Variants in CSNK1G3 observed in about 807,000 individuals in gnomAD.
CSNK1G3 encodes casein kinase 1 gamma 3.
CSNK1G3 carries 23 observed loss-of-function variants against 64.3 expected under a neutral mutation model. That is an observed-to-expected ratio of 0.36 (90% confidence interval 0.26 to 0.51). The LOEUF (loss-of-function observed/expected upper bound fraction) is 0.51. Among genes scored for constraint, CSNK1G3 ranks in the 20% least tolerant of loss-of-function variants. CSNK1G3 has a pLI of 0.96. For synonymous variants in CSNK1G3, 158 were observed against 162.2 expected, an observed-to-expected ratio of 0.97 and a Z score of 0.20; for missense variants, 357 against 510.5, an observed-to-expected ratio of 0.70 and a Z score of 2.90.
chr5:123,582,311 T>G (rs1191718678), intron 6 of CSNK1G3, among the ~76,000 whole-genome samples: 1 of 152,166 alleles, frequency 6.6e-6, no homozygotes, highest in Middle Eastern at 3.4e-3. Flanking sequence ...ATGAAAAAAA[T>G]GCAGACAAGT....
intron 1 of CSNK1G3, among the ~76,000 whole-genome samples, chr5:123,523,623 T>G (rs945664090): frequency 1.3e-5 from 2 of 152,218 alleles, no homozygotes; most frequent in Non-Finnish European, 2.9e-5. Context: ...GGACGTGTTA[T>G]GTGAACCAGT....
intron 1 of CSNK1G3, among the ~76,000 whole-genome samples, chr5:123,514,651 A>T (rs571967179): frequency 6.6e-6 from 1 of 152,004 alleles, no homozygotes; most frequent in East Asian, 1.9e-4. Context: ...GAATGGATGT[A>T]GAGCTGGTAA....
At chr5:123,592,676 C>T (rs1792609059) in intron 10 of CSNK1G3, among the ~76,000 whole-genome samples, 1 of 151,576 alleles carries the variant, frequency 6.6e-6, no homozygotes, top group African/African-American at 2.4e-5. Flanking sequence ...AGAAAGAACA[C>T]CACTTGTTAA....
intron 1 of CSNK1G3, among the ~76,000 whole-genome samples, chr5:123,536,981 G>C (rs956916206): frequency 6.6e-6 from 1 of 152,154 alleles, no homozygotes. Context: ...CCTATACACT[G>C]TTGGTGGGAA....
chr5:123,612,808 G>A (rs1159332973), intron 12 of CSNK1G3, among the ~76,000 whole-genome samples: 4 of 152,146 alleles, frequency 2.6e-5, no homozygotes, highest in Non-Finnish European at 5.9e-5. Context: ...AGATTAGTAA[G>A]AATTATAGAA....
intron 10 of CSNK1G3, among the ~76,000 whole-genome samples, chr5:123,592,113 G>C (rs1792482262): frequency 6.6e-6 from 1 of 152,204 alleles, no homozygotes; most frequent in East Asian, 1.9e-4. Flanking sequence ...GTAGCATGGA[G>C]ATCATATGTG....
intron 10 of CSNK1G3, among the ~76,000 whole-genome samples, chr5:123,601,157 A>C (rs557411837): frequency 6.6e-6 from 1 of 152,306 alleles, no homozygotes; most frequent in East Asian, 1.9e-4. Context: ...TAATAGAATT[A>C]TTCTTTAGAA....
rs1349497202 is a variant in CSNK1G3, at chr5:123,591,420, C to T, written c.1086+6C>T. On this transcript the variant is annotated splice_donor_region_variant and intron_variant, in intron 10 of 12. Coordinates refer to ENST00000345990, the Ensembl canonical transcript of CSNK1G3. ...TGCAACAATCCAAAAACCAGGTTTG[C>T]TGCCCTTTAGATATGAAATACCTTC... 3.1e-6 allele frequency: 5 copies of T among 1,596,876 alleles called. No individual in the cohort carries two copies. Among genetic ancestry groups the T allele is most frequent in the Non-Finnish European group, 4.3e-6 (5 of 1,169,272 alleles).
intron 1 of CSNK1G3, among the ~76,000 whole-genome samples, chr5:123,527,152 A>C (rs979794497): frequency 5.9e-5 from 9 of 152,188 alleles, no homozygotes; most frequent in Admixed American, 5.9e-4. Flanking sequence ...TTTCATTGCT[A>C]TAGCTCTGTC....
At chr5:123,523,445 G>A (rs1215925742) in intron 1 of CSNK1G3, among the ~76,000 whole-genome samples, 1 of 152,154 alleles carries the variant, frequency 6.6e-6, no homozygotes, top group Non-Finnish European at 1.5e-5. Context: ...GTGACAAAAT[G>A]AGAGCAAGCC....
At chr5:123,553,059 CT>C in intron 2 of CSNK1G3, 47 bp from the exon 3 acceptor site, 1 of 1,049,342 alleles carries the variant, frequency 9.5e-7, no homozygotes, top group Non-Finnish European at 1.4e-6. Context: ...TATAATGTAT[CT>C]TTAAAATCAA....
intron 12 of CSNK1G3, among the ~76,000 whole-genome samples, chr5:123,610,885 G>C (rs908743031): frequency 1.1e-4 from 16 of 152,126 alleles, no homozygotes; most frequent in African/African-American, 3.6e-4. Context: ...GAAGTGGGAG[G>C]ACCACTATTA....
exon 5 of CSNK1G3, chr5:123,573,446 G>A (rs1788510573): frequency 6.2e-7 from 1 of 1,613,862 alleles, no homozygotes; most frequent in Non-Finnish European, 8.5e-7. Flanking sequence ...CAATGCTATG[G>A]TGCTGGAACT....
At chr5:123,588,301 T>G in intron 7 of CSNK1G3, 126 bp from the exon 8 acceptor site, 1 of 1,037,818 alleles carries the variant, frequency 9.6e-7, no homozygotes, top group South Asian at 1.4e-5. Flanking sequence ...GGTCTCAAAC[T>G]CCTGGGCTCA....
rs754515704 is a variant in CSNK1G3, at chr5:123,591,430, G to C, written c.1086+16G>C. 6.5e-7 allele frequency: 1 copy of C among 1,535,224 alleles called. No homozygotes were observed. The highest frequency in any genetic ancestry group is 9.0e-7 in the Non-Finnish European group (1 of 1,115,744). ...CAAAAACCAGGTTTGCTGCCCTTTA[G>C]ATATGAAATACCTTCCTTTCATGAT... is the stretch of plus-strand genomic sequence containing the variant. On this transcript the variant is annotated intron_variant, in intron 10 of 12. Transcript: ENST00000345990.
At position 123,515,824 on chromosome 5, in the gene CSNK1G3, C is replaced by A. The variant is rs187454312; in HGVS notation, c.-248+3254C>A. Among the ~76,000 whole-genome samples the A allele has an allele frequency of 5.3e-4, 81 of 152,118 alleles. 1 individual carries two copies. The East Asian group carries it at 0.013, about 25-fold the overall frequency. The stretch of plus-strand genomic sequence containing the variant: ...CTTCAACCTCCCAGTAACAACAATA[C>A]CTCCTATAATTTATTAAGTGCCTAC... On this transcript the variant is annotated intron_variant, in intron 1 of 12. Coordinates refer to ENST00000345990, the Ensembl canonical transcript of CSNK1G3.
chr5:123,525,769 G>C (rs897986410), intron 1 of CSNK1G3, among the ~76,000 whole-genome samples: 7 of 151,870 alleles, frequency 4.6e-5, no homozygotes, highest in Non-Finnish European at 1.0e-4. Context: ...TGAGGCGGGC[G>C]GATCACGAGG....
chr5:123,529,418 G>A (rs939143505), intron 1 of CSNK1G3, among the ~76,000 whole-genome samples: 2 of 152,070 alleles, frequency 1.3e-5, no homozygotes, highest in African/African-American at 4.8e-5. Flanking sequence ...TTTTAAATCA[G>A]TATTAAAAAT....
chr5:123,587,957 A>T, intron 6 of CSNK1G3, 111 bp from the exon 7 acceptor site: 1 of 650,654 alleles, frequency 1.5e-6, no homozygotes, highest in Non-Finnish European at 2.6e-6. Context: ...TTTTGTATTT[A>T]TATGTTGAAC....
Sources: allele counts gnomAD v4.1 joint callset (sites outside exome capture counted in the v4.1 genomes callset), GRCh38; gene constraint gnomAD v4.1.1; transcripts MANE v1.5; gene names NCBI Gene and HGNC (gene_info 2026-07-23, HGNC 2026-07-21).